NRDE2: variants seen among roughly 807,000 people sequenced by gnomAD.
NRDE2 encodes NRDE-2, necessary for RNA interference, domain containing.
In NRDE2, 76 loss-of-function variants were observed where a neutral mutation model predicts 124.2. The ratio of observed to expected loss-of-function variants is 0.61; its 90% CI spans 0.51 to 0.74. The LOEUF is 0.74. Ranked by LOEUF, NRDE2 falls within the 30% of genes least tolerant of loss-of-function variation. The probability of loss-of-function intolerance (pLI) is 0.00; values close to 1 mark genes in which losing one functional copy is unlikely to be tolerated. For synonymous variants in NRDE2, 489 were observed against 528.1 expected (o/e 0.93, Z 1.01); for missense variants, 1,314 against 1,417.3 (o/e 0.93, Z 1.17).
chr14:90,317,291 A>G (rs1243590075), intron 2 of NRDE2, among the ~76,000 whole-genome samples: 4 of 152,194 alleles, frequency 2.6e-5, no homozygotes, highest in Non-Finnish European at 5.9e-5. Context: ...AAATCATTAT[A>G]AAAAGGTTTA....
intron 1 of NRDE2, among the ~76,000 whole-genome samples, chr14:90,321,549 T>TAAAAAAAAAAAAAAAAA (rs1012195271): frequency 9.2e-6 from 1 of 108,796 alleles, no homozygotes; most frequent in African/African-American, 3.4e-5. Context: ...CCAGCTCTAT[T>TAAAAAAAAAAAAAAAAA]AAAAAAAAAA....
Position 90,321,503 on chromosome 14 carries a change from G to A in NRDE2, c.65-3390C>T, listed in dbSNP as rs1167786719. ...GAGAAGGGAGGACCACTGGAGCCCA[G>A]GAGTTCAAACGAGCCTGGGCAACAT... On this transcript the variant is annotated intron_variant, in intron 1 of 13. Transcript: ENST00000354366. Among the ~76,000 whole-genome samples, 7 of 147,616 alleles carry A rather than the reference G, an allele frequency of 4.7e-5. No individual in the cohort carries two copies. In the Admixed American group the frequency reaches 4.8e-4, roughly 10 times the overall value.
rs1884877065 is a variant in NRDE2 at position 90,312,391 on chromosome 14, T to C, written c.557+3A>G. 2 of 1,613,500 alleles carry C rather than the reference T, an allele frequency of 1.2e-6. No individual in the cohort carries two copies. The highest frequency in any genetic ancestry group is 1.7e-6 in the Non-Finnish European group (2 of 1,179,734). ...GAAAACTGGGGGAAAACAAGGTGAC[T>C]ACCTTGCTATATCCCCTCGGTAGAG... is the stretch of plus-strand genomic sequence containing the variant. On this transcript the variant is annotated splice_donor_region_variant and intron_variant, in intron 4 of 13. Transcript: ENST00000354366.
rs1184612945 is a variant in NRDE2, at chr14:90,269,695, G to A, written c.*8641C>T. 1.2e-6 allele frequency: 1 copy of A among 809,546 alleles called. No individual in the cohort carries two copies. The highest frequency in any genetic ancestry group is 1.9e-6 in the Non-Finnish European group (1 of 524,344). The allele number at this position is 809,546 out of a possible 1,614,324, so 50.1% of individuals were successfully genotyped here. ...AATTTACAAAAAAATAGGTCCTCTT[G>A]AGATGAGGGTTAAAACAGAGCATGA... is the stretch of plus-strand genomic sequence containing the variant. On this transcript the variant is annotated 3_prime_UTR_variant, in exon 14 of 14. Transcript: ENST00000354366.
Position 90,316,612 on chromosome 14 carries a change from C to T in NRDE2, c.373G>A (p.Val125Ile), listed in dbSNP as rs776176379. ...TCAGATTCCTTTTTACTGCCTCCAA[C>T]GCCTCTGGAAGGTTTGTCCTTTTCA... ...DSEKDKPSRG[V>I]GGSKKESEEP... The change falls in exon 3 of 14, where the codon GTT becomes ATT. Residue 125 changes from valine (V) to isoleucine (I), a missense_variant. Physicochemically the swap from Val to Ile is conservative, Grantham distance 29 (BLOSUM62 3). Transcript: ENST00000354366. The T allele has an allele frequency of 1.1e-5, 18 of 1,613,820 alleles. No homozygotes were observed. The highest frequency in any genetic ancestry group is 1.1e-5 in the Non-Finnish European group (13 of 1,179,950).
rs1892196050 is a variant in NRDE2, at chr14:90,289,005, C to T, written c.2370G>A (p.Glu790=). The change falls in exon 11 of 14, where the codon GAG becomes GAA. Residue 790 remains glutamate, a synonymous_variant. Transcript: ENST00000354366. ...CATCCTCCGTGTTGCCAAGCAACCACTCCAGATGTGCATACTGCTTCCACA... is the reference window on the plus strand; with the variant it reads ...CATCCTCCGTGTTGCCAAGCAACCATTCCAGATGTGCATACTGCTTCCACA... ...FCLWKQYAHL[E]WLLGNTEDAR... is the part of the protein sequence containing the mutation. 2 of 1,614,174 alleles carry T rather than the reference C, an allele frequency of 1.2e-6. No homozygotes were observed. Among genetic ancestry groups the T allele is most frequent in the South Asian group, 1.1e-5 (1 of 91,090 alleles).
At chr14:90,291,013 A>G (rs1173468047) in intron 9 of NRDE2, among the ~76,000 whole-genome samples, 2 of 152,260 alleles carry the variant, frequency 1.3e-5, no homozygotes, top group East Asian at 3.8e-4. Flanking sequence ...AAGATGGAAG[A>G]TAAGAACTTT....
At chr14:90,296,837 C>T (rs560515070) in intron 8 of NRDE2, among the ~76,000 whole-genome samples, 1 of 152,232 alleles carries the variant, frequency 6.6e-6, no homozygotes, top group East Asian at 1.9e-4. Context: ...CTATCAAGCA[C>T]TTGAAAAGTA....
rs898542731 is a variant in NRDE2 at position 90,271,759 on chromosome 14, T to C, written c.*6577A>G. On this transcript the variant is annotated 3_prime_UTR_variant, in exon 14 of 14. Coordinates refer to ENST00000354366, the MANE Select transcript of NRDE2 (RefSeq NM_017970.4). ...ACCCTTGGGTCAGTCTTAGTTACAG[T>C]AACTCCCAGTTTAAGCCACTTCACA... 3 of 152,780 alleles carry C rather than the reference T, an allele frequency of 2.0e-5. No individual in the cohort carries two copies. The highest frequency in any genetic ancestry group is 7.2e-5 in the African/African-American group (3 of 41,568). The allele number at this position is 152,780 out of a possible 1,614,324, so 9.5% of individuals were successfully genotyped here.
chr14:90,304,516 G>T, intron 4 of NRDE2, 134 bp from the exon 5 acceptor site: 1 of 620,296 alleles, frequency 1.6e-6, no homozygotes, highest in Admixed American at 3.0e-5. Flanking sequence ...CCTTCAGATT[G>T]TTTCTATTTG....
intron 1 of NRDE2, among the ~76,000 whole-genome samples, chr14:90,321,549 T>TA (rs1012195271): frequency 0.029 from 3,147 of 108,714 alleles, 51 homozygotes; most frequent in Non-Finnish European, 0.038. Context: ...CCAGCTCTAT[T>TA]AAAAAAAAAA....
At chr14:90,282,511 G>T (rs1474915737) in intron 12 of NRDE2, among the ~76,000 whole-genome samples, 1 of 151,916 alleles carries the variant, frequency 6.6e-6, no homozygotes, top group Non-Finnish European at 1.5e-5. Context: ...TTGGCTGAGA[G>T]TGTTAATGTA....
At chr14:90,278,571 TCCACGGCCC>T in intron 13 of NRDE2, 110 bp from the exon 14 acceptor site, 1 of 1,370,354 alleles carries the variant, frequency 7.3e-7, no homozygotes. Flanking sequence ...CCTGTCGCCC[TCCACGGCCC>T]CTGCTCCCCT....
Position 90,274,671 on chromosome 14 carries a change from T to A in NRDE2, c.*3665A>T, listed in dbSNP as rs8008921. The stretch of plus-strand genomic sequence containing the variant: ...CTCAAGGAATGATAAGGACATGTCC[T>A]AAGGACACCGAAGCCTATGTGAAGG... On this transcript the variant is annotated 3_prime_UTR_variant, in exon 14 of 14. Coordinates refer to ENST00000354366, the MANE Select transcript of NRDE2 (RefSeq NM_017970.4). 144,382 of 152,244 alleles carry A rather than the reference T, an allele frequency of 0.95. 68,872 individuals are homozygous for A. Among genetic ancestry groups the A allele is most frequent in the East Asian group, 1 (5,162 of 5,164 alleles). The allele number at this position is 152,244 out of a possible 1,614,324, so 9.4% of individuals were successfully genotyped here.
At position 90,272,688 on chromosome 14, in the gene NRDE2, G is replaced by A; in HGVS notation, c.*5648C>T. 3.6e-6 allele frequency: 1 copy of A among 274,112 alleles called. No homozygotes were observed. The highest frequency in any genetic ancestry group is 7.2e-6 in the Non-Finnish European group (1 of 139,198). 17.0% of individuals were successfully genotyped at this position (274,112 alleles called of 1,614,324 possible). A position where few individuals can be genotyped will look rare whatever the true frequency, so the allele number is the denominator to read the frequency against. Reference sequence around the variant, plus strand: ...CAACAGCAGCCTGTGGGTGGACCCAGCTACAGGGAAGCCTTTGGACAGGAA... The same window carrying A: ...CAACAGCAGCCTGTGGGTGGACCCAACTACAGGGAAGCCTTTGGACAGGAA... On this transcript the variant is annotated 3_prime_UTR_variant, in exon 14 of 14. Coordinates refer to ENST00000354366, the MANE Select transcript of NRDE2 (RefSeq NM_017970.4). The surrounding 1 kb of genome is among the most constrained non-coding windows in gnomAD (Gnocchi z 4.5).
chr14:90,331,780 G>A (rs1885711971), intron 1 of NRDE2, 61 bp downstream of exon 1: 1 of 1,541,388 alleles, frequency 6.5e-7, no homozygotes, highest in Non-Finnish European at 9.0e-7. Flanking sequence ...TCTAGACCTG[G>A]GCCCGAGAAA....
In NRDE2 at chr14:90,269,936, C is replaced by T. The variant is rs2139651637; in HGVS notation, c.*8400G>A. The T allele has an allele frequency of 2.2e-6, 1 of 459,008 alleles. No homozygotes were observed. Among genetic ancestry groups the T allele is most frequent in the African/African-American group, 2.0e-5 (1 of 51,234 alleles). The allele number at this position is 459,008 out of a possible 1,614,324, so 28.4% of individuals were successfully genotyped here. ...AATGTTTTTAACACAATAGGTCTGC[C>T]CAGTTTCACTCAGGAATTGCTCCTT... On this transcript the variant is annotated 3_prime_UTR_variant, in exon 14 of 14. Transcript: ENST00000354366.
intron 12 of NRDE2, chr14:90,280,036 G>C (rs1891910398): frequency 1.3e-5 from 2 of 152,198 alleles, no homozygotes; most frequent in Non-Finnish European, 2.9e-5. Context: ...TGGCATCCAG[G>C]GACTCCACTC....
chr14:90,307,691 C>T (rs915353455), intron 4 of NRDE2, among the ~76,000 whole-genome samples: 4 of 152,112 alleles, frequency 2.6e-5, no homozygotes, highest in South Asian at 2.1e-4. Flanking sequence ...CTGGCTAACA[C>T]GGTGAAACCC....
Sources: gnomAD v4.1 joint callset for allele counts (sites outside exome capture counted in the v4.1 genomes callset) on GRCh38, gnomAD v4.1.1 for gene constraint, Gnocchi (gnomAD v3.1) non-coding constraint, MANE v1.5 for transcripts, NCBI Gene and HGNC (gene_info 2026-07-23, HGNC 2026-07-21) for gene names.